The following GPHN variants were observed in gnomAD, a reference collection of about 807,000 sequenced individuals.
GPHN encodes the protein gephyrin.
GPHN carries 17 observed loss-of-function variants against 95.5 expected under a neutral mutation model. The observed-to-expected ratio is 0.18, with a 90% confidence interval of 0.12 to 0.27. The LOEUF (loss-of-function observed/expected upper bound fraction) is 0.27, where lower values mean the gene tolerates loss of function less well. Among genes scored for constraint, GPHN ranks in the 10% least tolerant of loss-of-function variants. The pLI is 1.00. For missense variants in GPHN, 660 were observed against 978.1 expected, an observed-to-expected ratio of 0.67 and a Z score of 4.34; for synonymous variants, 320 against 322.5, an observed-to-expected ratio of 0.99 and a Z score of 0.08.
At chr14:66,620,479 C>G (rs2063244445) in intron 1 of GPHN, among the ~76,000 whole-genome samples, 2 of 152,014 alleles carry the variant, frequency 1.3e-5, no homozygotes, top group South Asian at 4.2e-4. Context: ...TAGAAAAACT[C>G]CCATTTTTAA....
Position 66,880,014 on chromosome 14 carries a change from C to G in GPHN, c.370C>G (p.Pro124Ala). The change falls in exon 5 of 23, where the codon CCT (proline) becomes GCT (alanine). Residue 124 changes from proline (P) to alanine (A), a missense_variant. Physicochemically the swap from Pro to Ala is conservative, Grantham distance 27. Transcript: ENST00000478722. The stretch of plus-strand genomic sequence containing the variant: ...GCTGATGGGATCACTTAATGTTACA[C>G]CTCTGGGCATGCTCTCTAGGTAAGA... ...AMLMGSLNVTPLGMLSRPVCG... is the reference protein window; with the variant it reads ...AMLMGSLNVTALGMLSRPVCG... 1 of 1,604,666 alleles carries G rather than the reference C, an allele frequency of 6.2e-7. No individual in the cohort carries two copies. Among genetic ancestry groups the G allele is most frequent in the Non-Finnish European group, 8.5e-7 (1 of 1,171,900 alleles).
At chr14:67,080,347 T>A (rs1039415393) in intron 11 of GPHN, among the ~76,000 whole-genome samples, 1 of 152,094 alleles carries the variant, frequency 6.6e-6, no homozygotes, top group African/African-American at 2.4e-5. Flanking sequence ...TTATTTTCTC[T>A]CATTTCATAG....
In GPHN at chr14:66,783,894, A is replaced by T. The variant is rs138253664; in HGVS notation, c.201+7373A>T. Among the ~76,000 whole-genome samples the T allele has an allele frequency of 4.0e-4, 61 of 152,316 alleles. 3 individuals are homozygous for T. In the East Asian group the frequency reaches 9.8e-3, roughly 25 times the overall value. On this transcript the variant is annotated intron_variant, in intron 3 of 22. Coordinates refer to ENST00000478722, the MANE Select transcript of GPHN (RefSeq NM_020806.5). ...CATGTCCATAAGGCCCTTGTGTTAC[A>T]TTGCGACATGGGGGACATCTGCTAA...
intron 2 of GPHN, among the ~76,000 whole-genome samples, chr14:66,737,092 G>A (rs2072362989): frequency 6.6e-6 from 1 of 152,002 alleles, no homozygotes. Context: ...ACTTTTCTAG[G>A]CATATTAAAC....
chr14:66,541,528 ATTT>A (rs1424730936), intron 1 of GPHN, among the ~76,000 whole-genome samples: 1 of 152,196 alleles, frequency 6.6e-6, no homozygotes, highest in Non-Finnish European at 1.5e-5. Context: ...TTATATAGTC[ATTT>A]ATTTGTATAA....
chr14:67,187,215 TAA>T, the GPHN span, among the ~76,000 whole-genome samples: 1 of 152,038 alleles, frequency 6.6e-6, no homozygotes, highest in East Asian at 1.9e-4. Flanking sequence ...ATTTAAAAAA[TAA>T]AAAAATCATT....
chr14:66,670,764 C>A (rs993233603), intron 1 of GPHN, among the ~76,000 whole-genome samples: 1 of 152,094 alleles, frequency 6.6e-6, no homozygotes, highest in African/African-American at 2.4e-5. Flanking sequence ...TGCGTTCTAG[C>A]CTGGGCGACA....
At chr14:67,585,970 C>T in the GPHN span, 2 of 1,613,592 alleles carry the variant, frequency 1.2e-6, no homozygotes, top group Non-Finnish European at 1.7e-6. Context: ...ATCACTTACC[C>T]CTACTCTTCA....
the GPHN span, among the ~76,000 whole-genome samples, chr14:67,455,062 C>T: frequency 1.2e-4 from 18 of 152,236 alleles, 1 homozygote; most frequent in Admixed American, 9.2e-4. Flanking sequence ...GTTGACCAGG[C>T]AGGTCTTGAA....
intron 12 of GPHN, among the ~76,000 whole-genome samples, chr14:67,090,248 T>G (rs1401179500): frequency 6.6e-6 from 1 of 152,020 alleles, no homozygotes; most frequent in Non-Finnish European, 1.5e-5. Context: ...TGGTTTTGGT[T>G]TTTTTAGCTA....
intron 5 of GPHN, among the ~76,000 whole-genome samples, chr14:66,899,219 T>C (rs2065014703): frequency 6.6e-6 from 1 of 151,450 alleles, no homozygotes; most frequent in Non-Finnish European, 1.5e-5. Context: ...CAAATAGGGG[T>C]AGTTTTACTT....
the GPHN span, chr14:67,302,418 A>G: frequency 3.8e-5 from 60 of 1,585,388 alleles, no homozygotes; most frequent in African/African-American, 8.0e-4. Context: ...AGGGTGCTAC[A>G]GTTCGTAATG....
At position 66,792,520 on chromosome 14, in the gene GPHN, T is replaced by C. The variant is rs529783309; in HGVS notation, c.201+15999T>C. Among the ~76,000 whole-genome samples the C allele has an allele frequency of 4.7e-5, 7 of 148,876 alleles. No individual in the cohort carries two copies. In the East Asian group the frequency reaches 7.8e-4, roughly 17 times the overall value. On this transcript the variant is annotated intron_variant, in intron 3 of 22. Coordinates refer to ENST00000478722, the MANE Select transcript of GPHN (RefSeq NM_020806.5). ...AAAAAACTGTCAGTCAACCAAGGAA[T>C]ACTATTTTTAAAAAATGAAGATGAA...
rs140959554 is a variant in GPHN at position 66,655,655 on chromosome 14, A to G, written c.65-25452A>G. ...TTCATTGAATAAGAGTAGTGAGAGC[A>G]TATATCTTTTTTTTTTTGTTCCTGG... On this transcript the variant is annotated intron_variant, in intron 1 of 22. Transcript: ENST00000478722. Among the ~76,000 whole-genome samples, 1,433 of 151,718 alleles carry G rather than the reference A, an allele frequency of 9.4e-3. 30 individuals carry two copies. The highest frequency in any genetic ancestry group is 0.034 in the African/African-American group (1,391 of 41,366).
chr14:67,299,441 A>C, the GPHN span, among the ~76,000 whole-genome samples: 14 of 152,214 alleles, frequency 9.2e-5, no homozygotes, highest in Non-Finnish European at 1.6e-4. Context: ...TTCACATTTA[A>C]CATACATCAT....
chr14:67,535,950 G>A, the GPHN span, among the ~76,000 whole-genome samples: 1 of 152,196 alleles, frequency 6.6e-6, no homozygotes, highest in Non-Finnish European at 1.5e-5. Flanking sequence ...CTCAATTTCA[G>A]AATGGAACTG....
chr14:66,698,077 T>C lies in GPHN; in HGVS notation c.143+16892T>C, dbSNP rs547603415. Among the ~76,000 whole-genome samples, 52 of 152,294 alleles carry C rather than the reference T, an allele frequency of 3.4e-4. No homozygotes were observed. The South Asian group carries it at 7.7e-3, about 22-fold the overall frequency. ...CACTTTGGAAATTGTGAAATAAATA[T>C]TTATTAAATGACTAATTTCAAGTAT... On this transcript the variant is annotated intron_variant, in intron 2 of 22. Coordinates refer to ENST00000478722, the MANE Select transcript of GPHN (RefSeq NM_020806.5).
the GPHN span, among the ~76,000 whole-genome samples, chr14:67,262,582 C>A: frequency 2.6e-5 from 4 of 152,144 alleles, no homozygotes; most frequent in Non-Finnish European, 5.9e-5. Flanking sequence ...AGGAATAAAA[C>A]ATTGTCTTTA....
chr14:67,007,146 A>G (rs1222718481), intron 9 of GPHN, among the ~76,000 whole-genome samples: 1 of 152,162 alleles, frequency 6.6e-6, no homozygotes, highest in East Asian at 1.9e-4. Flanking sequence ...TACTTGGTAG[A>G]AAATAAACCA....
Sources: allele counts gnomAD v4.1 joint callset (sites outside exome capture counted in the v4.1 genomes callset), GRCh38; gene constraint gnomAD v4.1.1; transcripts MANE v1.5; gene names NCBI Gene and HGNC (gene_info 2026-07-23, HGNC 2026-07-21).